Variants in METRNL observed in about 807,000 individuals in gnomAD.
METRNL encodes meteorin like, glial cell differentiation regulator.
METRNL carries 9 observed loss-of-function variants against 17.4 expected under a neutral mutation model. That is an observed-to-expected ratio of 0.52 (90% CI 0.31 to 0.90). The LOEUF (loss-of-function observed/expected upper bound fraction) is 0.90, where lower values mean the gene tolerates loss of function less well. Among genes scored for constraint, METRNL ranks in the 40% least tolerant of loss-of-function variants. The pLI is 0.05. For synonymous variants in METRNL, 215 were observed against 199.3 expected (o/e 1.08, Z -0.66); for missense variants, 408 against 430.7 (o/e 0.95, Z 0.47).
chr17:83,084,293 AAACTC>A (rs2038022841), intron 1 of METRNL: 1 of 152,338 alleles, frequency 6.6e-6, no homozygotes, highest in Non-Finnish European at 1.5e-5. Context: ...CTAAAAGACA[AAACTC>A]ATCTACAACC....
chr17:83,090,069 C>A (rs969933708), intron 2 of METRNL, among the ~76,000 whole-genome samples: 1 of 151,956 alleles, frequency 6.6e-6, no homozygotes, highest in East Asian at 1.9e-4. Flanking sequence ...CCCTCACGCG[C>A]CCAGGCCCCG....
At position 83,085,763 on chromosome 17, in the gene METRNL, T is replaced by C. The variant is rs556271381; in HGVS notation, c.556+440T>C. Among the ~76,000 whole-genome samples the C allele has an allele frequency of 9.2e-5, 14 of 152,326 alleles. No individual in the cohort carries two copies. In the East Asian group the frequency reaches 1.9e-3, roughly 21 times the overall value. ...CAGTGCTGGGTCGGACGCGCCCCCATGCTTGTGGATCGTGTAGCACCTTTG... is the reference window on the plus strand; with the variant it reads ...CAGTGCTGGGTCGGACGCGCCCCCACGCTTGTGGATCGTGTAGCACCTTTG... On this transcript the variant is annotated intron_variant, in intron 2 of 3. Coordinates refer to ENST00000320095, the MANE Select transcript of METRNL (RefSeq NM_001004431.3).
At chr17:83,086,594 A>C (rs920098305) in intron 2 of METRNL, among the ~76,000 whole-genome samples, 17 of 152,188 alleles carry the variant, frequency 1.1e-4, no homozygotes, top group African/African-American at 3.6e-4. Flanking sequence ...AGTCTTTCTA[A>C]CCGGAGGTAG....
Position 83,085,034 on chromosome 17 carries a change from C to T in METRNL, c.267C>T (p.Leu89=). The T allele has an allele frequency of 6.2e-7, 1 of 1,613,906 alleles. No individual in the cohort carries two copies. Among genetic ancestry groups the T allele is most frequent in the South Asian group, 1.1e-5 (1 of 91,088 alleles). The change falls in exon 2 of 4, where the codon CTC becomes CTT. Residue 89 remains leucine, a synonymous_variant. Coordinates refer to ENST00000320095, the MANE Select transcript of METRNL (RefSeq NM_001004431.3). ...AVEWMYPTGA[L]IVNLRPNTFS... is the part of the protein sequence containing the mutation. The stretch of plus-strand genomic sequence containing the variant: ...AGTGGATGTACCCAACAGGTGCTCT[C>T]ATCGTTAACCTGCGGCCCAACACCT...
chr17:83,085,520 A>G (rs1432170632), intron 2 of METRNL, among the ~76,000 whole-genome samples, 197 bp downstream of exon 2: 1 of 152,032 alleles, frequency 6.6e-6, no homozygotes, highest in Non-Finnish European at 1.5e-5. Flanking sequence ...TGGCGCCCGC[A>G]GAGGGGCCCT....
At chr17:83,084,856 C>T (rs918108570) in intron 1 of METRNL, 82 bp from the exon 2 acceptor site, 16 of 1,511,848 alleles carry the variant, frequency 1.1e-5, no homozygotes, top group East Asian at 4.5e-5. Flanking sequence ...GAGCGGGTAT[C>T]GTCCTCACTG....
rs1454900023 is a variant in METRNL, at chr17:83,084,996, G to T, written c.229G>T (p.Ala77Ser). ...EVEQVYLRCA[A>S]GAVEWMYPTG... Reference sequence around the variant, plus strand: ...GGAGCAGGTGTATCTGCGCTGTGCGGCGGGTGCCGTGGAGTGGATGTACCC... The same window carrying T: ...GGAGCAGGTGTATCTGCGCTGTGCGTCGGGTGCCGTGGAGTGGATGTACCC... Residue 77 changes from alanine to serine, a missense_variant, in exon 2 of 4, where the codon GCG becomes TCG. Physicochemically the swap from Ala to Ser is moderately conservative, Grantham distance 99 (BLOSUM62 1). Transcript: ENST00000320095. 5 of 1,613,594 alleles carry T rather than the reference G, an allele frequency of 3.1e-6. No homozygotes were observed. The highest frequency in any genetic ancestry group is 4.2e-6 in the Non-Finnish European group (5 of 1,179,858).
intron 2 of METRNL, among the ~76,000 whole-genome samples, chr17:83,089,316 G>A (rs1568338046): frequency 1.3e-5 from 2 of 151,982 alleles, no homozygotes; most frequent in African/African-American, 2.4e-5. Flanking sequence ...CCGCTACCCC[G>A]TCACCACCTG....
At position 83,094,440 on chromosome 17, in the gene METRNL, C is replaced by T. The variant is rs779290150; in HGVS notation, c.801C>T (p.Gly267=). 1.9e-6 allele frequency: 3 copies of T among 1,597,064 alleles called. No homozygotes were observed. Among genetic ancestry groups the T allele is most frequent in the Middle Eastern group, 1.7e-4 (1 of 6,020 alleles). ...AGTGTGGCGTGCGGCCGGGGCATGG[C>T]GACTTCCTCTTCACTGGCCACATGC... ...LLECGVRPGH[G]DFLFTGHMHF... The change falls in exon 4 of 4, where the codon GGC becomes GGT. Residue 267 remains glycine, a synonymous_variant. Coordinates refer to ENST00000320095, the MANE Select transcript of METRNL (RefSeq NM_001004431.3).
At chr17:83,086,768 G>GC (rs1174026635) in intron 2 of METRNL, among the ~76,000 whole-genome samples, 1 of 152,190 alleles carries the variant, frequency 6.6e-6, no homozygotes, top group African/African-American at 2.4e-5. Context: ...GTCCGTCCCT[G>GC]CCACGCACAC....
At position 83,079,722 on chromosome 17, in the gene METRNL, C is replaced by G; in HGVS notation, c.-94C>G. On this transcript the variant is annotated 5_prime_UTR_variant, in exon 1 of 4. Transcript: ENST00000320095. The stretch of plus-strand genomic sequence containing the variant: ...GGCGCGCGACGTGACCACCCGGACT[C>G]GAAGCCCGCCCCGCCCCCGCCCGGC... 1 of 507,270 alleles carries G rather than the reference C, an allele frequency of 2.0e-6. No individual in the cohort carries two copies. The highest frequency in any genetic ancestry group is 2.5e-6 in the Non-Finnish European group (1 of 397,150). 31.4% of individuals were successfully genotyped at this position (507,270 alleles called of 1,614,324 possible). A position where few individuals can be genotyped will look rare whatever the true frequency, so the allele number is the denominator to read the frequency against.
chr17:83,092,889 G>A lies in METRNL; in HGVS notation c.557-278G>A, dbSNP rs868473305. Among the ~76,000 whole-genome samples the A allele has an allele frequency of 2.0e-5, 3 of 152,288 alleles. No homozygotes were observed. In the South Asian group the frequency reaches 6.2e-4, roughly 32 times the overall value. On this transcript the variant is annotated intron_variant, in intron 2 of 3. Transcript: ENST00000320095. ...TGCTCTCGGACATGTGCCCATCATG[G>A]CCGAGGTGCAGGTGCCTTTGGTCCA... is the stretch of plus-strand genomic sequence containing the variant.
At chr17:83,086,936 A>G (rs1408096558) in intron 2 of METRNL, among the ~76,000 whole-genome samples, 2 of 151,918 alleles carry the variant, frequency 1.3e-5, no homozygotes, top group African/African-American at 4.8e-5. Flanking sequence ...TCCGAGGCCT[A>G]CAGGCCCTGT....
At chr17:83,085,833 G>C (rs2038046927) in intron 2 of METRNL, among the ~76,000 whole-genome samples, 1 of 152,244 alleles carries the variant, frequency 6.6e-6, no homozygotes, top group South Asian at 2.1e-4. Context: ...AATTGGCTGG[G>C]TGTCTGTGGT....
At chr17:83,093,753 C>G (rs553634482) in intron 3 of METRNL, among the ~76,000 whole-genome samples, 3 of 152,132 alleles carry the variant, frequency 2.0e-5, no homozygotes, top group Non-Finnish European at 4.4e-5. Context: ...GGCCTCCCGT[C>G]GTGTGGTGCC....
intron 1 of METRNL, among the ~76,000 whole-genome samples, chr17:83,081,159 C>T (rs1371628545): frequency 6.6e-6 from 1 of 151,608 alleles, no homozygotes; most frequent in Non-Finnish European, 1.5e-5. Flanking sequence ...CTCGGCCGAG[C>T]GGGGCCGCGG....
At chr17:83,082,881 T>C (rs1370404590) in intron 1 of METRNL, among the ~76,000 whole-genome samples, 1 of 152,220 alleles carries the variant, frequency 6.6e-6, no homozygotes, top group Non-Finnish European at 1.5e-5. Flanking sequence ...CTGATTTTAA[T>C]GTGAAAATCC....
chr17:83,087,435 C>T (rs1188668279), intron 2 of METRNL, among the ~76,000 whole-genome samples: 1 of 152,184 alleles, frequency 6.6e-6, no homozygotes, highest in Non-Finnish European at 1.5e-5. Flanking sequence ...GATGCAGGCC[C>T]CTCCCTGGGC....
chr17:83,082,080 G>C, intron 1 of METRNL: 1 of 985,418 alleles, frequency 1.0e-6, no homozygotes, highest in Non-Finnish European at 1.2e-6. Flanking sequence ...CAGTTAAGTA[G>C]GAGATGATGA....
Sources: gnomAD v4.1 joint callset for allele counts (sites outside exome capture counted in the v4.1 genomes callset) on GRCh38, gnomAD v4.1.1 for gene constraint, MANE v1.5 for transcripts, NCBI Gene and HGNC (gene_info 2026-07-23, HGNC 2026-07-21) for gene names.